ASIC2: variants seen among roughly 807,000 people sequenced by gnomAD.
ASIC2 encodes the protein acid-sensing ion channel 2.
In ASIC2, 25 loss-of-function variants were observed where a neutral mutation model predicts 57.3. The ratio of observed to expected loss-of-function variants is 0.44; its 90% CI spans 0.32 to 0.61. The LOEUF is 0.61. Among genes scored for constraint, ASIC2 ranks in the 20% least tolerant of loss-of-function variants. ASIC2 has a pLI of 0.06. For missense variants in ASIC2, 641 were observed against 738.1 expected (o/e 0.87, Z 1.52); for synonymous variants, 319 against 307.5 (o/e 1.04, Z -0.39).
intron 1 of ASIC2, among the ~76,000 whole-genome samples, chr17:33,379,223 T>C (rs1909388811): frequency 6.6e-6 from 1 of 152,176 alleles, no homozygotes; most frequent in Non-Finnish European, 1.5e-5. Context: ...GTCACTTACT[T>C]GCTGTGTCAG....
intron 1 of ASIC2, among the ~76,000 whole-genome samples, chr17:33,847,123 C>T (rs1348793803): frequency 6.6e-6 from 1 of 151,378 alleles, no homozygotes; most frequent in Non-Finnish European, 1.5e-5. Flanking sequence ...GACCTCTTTG[C>T]ATCTTCTCTG....
At chr17:33,722,238 C>T (rs1012899353) in intron 1 of ASIC2, among the ~76,000 whole-genome samples, 2 of 152,172 alleles carry the variant, frequency 1.3e-5, no homozygotes, top group Admixed American at 6.5e-5. Flanking sequence ...CACAAGCTCT[C>T]TTGGCTGCCA....
chr17:33,109,425 C>A (rs1281787760), intron 2 of ASIC2, among the ~76,000 whole-genome samples: 2 of 152,112 alleles, frequency 1.3e-5, no homozygotes, highest in Non-Finnish European at 2.9e-5. Context: ...CCCATCCATC[C>A]CCTGCCCCTG....
In ASIC2 at chr17:33,758,147, A is replaced by G. The variant is rs564573992; in HGVS notation, c.555+397831T>C. ...GGCTGAAGATCATGTAGCAATAATA[A>G]CCAAAATTCATCCTTTTCTTAAATG... On this transcript the variant is annotated intron_variant, in intron 1 of 9. Transcript: ENST00000359872. 7.9e-5 allele frequency among the ~76,000 whole-genome samples: 12 copies of G among 152,248 alleles called. No individual in the cohort carries two copies. The South Asian group carries it at 2.5e-3, about 32-fold the overall frequency.
chr17:33,672,328 C>T lies in ASIC2; in HGVS notation c.555+483650G>A, dbSNP rs576317162. 3.6e-4 allele frequency among the ~76,000 whole-genome samples: 54 copies of T among 152,010 alleles called. No homozygotes were observed. In the South Asian group the frequency reaches 0.01, roughly 29 times the overall value. Reference sequence around the variant, plus strand: ...GGAGGTTCTTCTATGCTATTACCCACCCCCTCCCATACCTACCTTTCCTAC... The same window carrying T: ...GGAGGTTCTTCTATGCTATTACCCATCCCCTCCCATACCTACCTTTCCTAC... On this transcript the variant is annotated intron_variant, in intron 1 of 9. Transcript: ENST00000359872.
intron 1 of ASIC2, among the ~76,000 whole-genome samples, chr17:34,030,371 G>C (rs1329943801): frequency 6.6e-6 from 1 of 152,174 alleles, no homozygotes; most frequent in Non-Finnish European, 1.5e-5. Flanking sequence ...CCGAATGTTT[G>C]AGGAGAAGCC....
chr17:34,107,234 G>A (rs1364963241), intron 1 of ASIC2, among the ~76,000 whole-genome samples: 2 of 152,110 alleles, frequency 1.3e-5, no homozygotes, highest in Non-Finnish European at 2.9e-5. Context: ...TGGCACAGTG[G>A]CTCACAGCTG....
chr17:33,266,233 T>A (rs1909454149), intron 1 of ASIC2, among the ~76,000 whole-genome samples: 1 of 152,168 alleles, frequency 6.6e-6, no homozygotes, highest in African/African-American at 2.4e-5. Context: ...CACATGTGTT[T>A]TTATCCTCCC....
intron 1 of ASIC2, among the ~76,000 whole-genome samples, chr17:34,021,907 G>A (rs565972238): frequency 2.8e-5 from 4 of 144,034 alleles, no homozygotes; most frequent in East Asian, 2.1e-4. Context: ...GTGCAATCTC[G>A]GCTCACTGCA....
chr17:33,940,958 G>A (rs561234566), intron 1 of ASIC2, among the ~76,000 whole-genome samples: 1 of 152,340 alleles, frequency 6.6e-6, no homozygotes, highest in African/African-American at 2.4e-5. Flanking sequence ...CAGCCTCCAG[G>A]GCCAGGCTGA....
At chr17:33,930,901 ATTTG>A (rs141993092) in intron 1 of ASIC2, among the ~76,000 whole-genome samples, 6,934 of 151,934 alleles carry the variant, frequency 0.046, 475 homozygotes, top group African/African-American at 0.15. Flanking sequence ...AGATTTATTT[ATTTG>A]TTTGTTTGTT....
At chr17:33,401,123 T>G (rs1391854667) in intron 1 of ASIC2, among the ~76,000 whole-genome samples, 3 of 152,172 alleles carry the variant, frequency 2.0e-5, no homozygotes, top group Non-Finnish European at 4.4e-5. Flanking sequence ...ATGCCAGCCT[T>G]GAAGTGCTTC....
chr17:33,875,961 T>C (rs572186970), intron 1 of ASIC2, among the ~76,000 whole-genome samples: 14 of 152,150 alleles, frequency 9.2e-5, no homozygotes, highest in Non-Finnish European at 2.1e-4. Flanking sequence ...TAGAAAAAGA[T>C]TCTCAATTGT....
At chr17:33,688,119 G>A (rs1908252540) in intron 1 of ASIC2, among the ~76,000 whole-genome samples, 2 of 152,150 alleles carry the variant, frequency 1.3e-5, no homozygotes, top group Admixed American at 6.5e-5. Flanking sequence ...GGGTTAATTG[G>A]AACATTTTGC....
chr17:33,281,063 T>A (rs1904924592), intron 1 of ASIC2, among the ~76,000 whole-genome samples: 1 of 152,216 alleles, frequency 6.6e-6, no homozygotes, highest in Non-Finnish European at 1.5e-5. Context: ...ATTGCTGTGA[T>A]ACAAAAGTGT....
At chr17:33,990,692 G>A (rs1247328262) in intron 1 of ASIC2, among the ~76,000 whole-genome samples, 3 of 152,086 alleles carry the variant, frequency 2.0e-5, no homozygotes, top group African/African-American at 7.2e-5. Context: ...GTTTCTTGGA[G>A]GGATGGACAT....
At chr17:33,455,551 C>T (rs914529600) in intron 1 of ASIC2, among the ~76,000 whole-genome samples, 1 of 152,218 alleles carries the variant, frequency 6.6e-6, no homozygotes, top group Non-Finnish European at 1.5e-5. Flanking sequence ...CATAATATTC[C>T]ATGGTGAATA....
At chr17:33,831,192 A>G (rs1336055366) in intron 1 of ASIC2, among the ~76,000 whole-genome samples, 5 of 145,774 alleles carry the variant, frequency 3.4e-5, no homozygotes, top group Admixed American at 7.0e-5. Flanking sequence ...CTGAAAATCT[A>G]TAATTTATAT....
At chr17:33,444,481 T>C (rs371227322) in intron 1 of ASIC2, among the ~76,000 whole-genome samples, 1 of 152,326 alleles carries the variant, frequency 6.6e-6, no homozygotes, top group East Asian at 1.9e-4. Context: ...CATGGTCTAC[T>C]AGAAAATACA....
Sources: allele counts gnomAD v4.1 joint callset (sites outside exome capture counted in the v4.1 genomes callset), GRCh38; gene constraint gnomAD v4.1.1; transcripts MANE v1.5; gene names NCBI Gene and HGNC (gene_info 2026-07-23, HGNC 2026-07-21).